NIPBL: variants seen among roughly 807,000 people sequenced by gnomAD.
NIPBL encodes nipped-B-like protein.
Under a neutral mutation model 321.8 loss-of-function variants are expected in NIPBL, and 19 were observed. The observed-to-expected ratio is 0.06, with a 90% confidence interval of 0.04 to 0.09. The LOEUF is 0.09. NIPBL is among the 10% of genes least tolerant of loss of function. The pLI is 1.00. For missense variants in NIPBL, 2,210 were observed against 3,327.0 expected (o/e 0.66, Z 8.26); for synonymous variants, 1,106 against 1,114.1 (o/e 0.99, Z 0.14).
chr5:37,001,739 GATTAATGTT>G (rs2149671237), intron 14 of NIPBL, among the ~76,000 whole-genome samples: 1 of 152,234 alleles, frequency 6.6e-6, no homozygotes, highest in East Asian at 1.9e-4. Context: ...AATACAGTAG[GATTAATGTT>G]ATATTCATGT....
intron 1 of NIPBL, among the ~76,000 whole-genome samples, chr5:36,937,643 T>C (rs186086747): frequency 1.3e-5 from 2 of 152,280 alleles, no homozygotes; most frequent in East Asian, 3.9e-4. Context: ...CATTATGTCA[T>C]CCAACGTCTT....
intron 22 of NIPBL, among the ~76,000 whole-genome samples, chr5:37,015,798 C>T (rs971341328): frequency 1.1e-4 from 16 of 152,116 alleles, no homozygotes; most frequent in African/African-American, 3.9e-4. Context: ...AAATGTGTTT[C>T]ACTTGCGAGA....
At chr5:36,928,351 G>C (rs1013992871) in intron 1 of NIPBL, among the ~76,000 whole-genome samples, 2 of 152,190 alleles carry the variant, frequency 1.3e-5, no homozygotes, top group African/African-American at 4.8e-5. Flanking sequence ...TCAAGTGCAA[G>C]TTAGAGCTAA....
At chr5:36,894,050 AC>A (rs1746543644) in intron 1 of NIPBL, among the ~76,000 whole-genome samples, 1 of 152,206 alleles carries the variant, frequency 6.6e-6, no homozygotes, top group Admixed American at 6.5e-5. Context: ...AAAAATATAA[AC>A]CATGCCTATG....
In NIPBL at chr5:36,985,634, T is replaced by C; in HGVS notation, c.2454T>C (p.His818=). 1 of 1,613,862 alleles carries C rather than the reference T, an allele frequency of 6.2e-7. No homozygotes were observed. The highest frequency in any genetic ancestry group is 1.1e-5 in the South Asian group (1 of 91,076). ...TTTCTGAGTCACTAAGACGTGACCATGATAATAAACAAAAATCAGATGACA... is the reference window on the plus strand; with the variant it reads ...TTTCTGAGTCACTAAGACGTGACCACGATAATAAACAAAAATCAGATGACA... ...RSVSESLRRD[H]DNKQKSDDRG... The change falls in exon 10 of 47, where the codon CAT becomes CAC. Residue 818 remains histidine, a synonymous_variant. Coordinates refer to ENST00000282516, the MANE Select transcript of NIPBL (RefSeq NM_133433.4).
chr5:36,992,834 C>A (rs879509112), intron 10 of NIPBL, among the ~76,000 whole-genome samples: 2 of 151,938 alleles, frequency 1.3e-5, no homozygotes, highest in African/African-American at 4.8e-5. Flanking sequence ...ACTCCGCCTT[C>A]CGGGCTCATG....
chr5:37,021,096 C>T (rs926312932), intron 27 of NIPBL, among the ~76,000 whole-genome samples: 3 of 152,098 alleles, frequency 2.0e-5, no homozygotes, highest in Admixed American at 2.0e-4. Flanking sequence ...GTCAAGAGTT[C>T]GAGACCAACC....
At chr5:36,895,443 T>G (rs1746660129) in intron 1 of NIPBL, among the ~76,000 whole-genome samples, 1 of 152,224 alleles carries the variant, frequency 6.6e-6, no homozygotes, top group African/African-American at 2.4e-5. Flanking sequence ...TTTGTAAGTT[T>G]CTGTGTGGAT....
At chr5:36,966,769 A>G (rs1326535620) in intron 6 of NIPBL, among the ~76,000 whole-genome samples, 1 of 152,084 alleles carries the variant, frequency 6.6e-6, no homozygotes, top group Non-Finnish European at 1.5e-5. Context: ...GATGTTGGTG[A>G]TTGTCTAGGT....
At chr5:36,930,234 C>G (rs1237042072) in intron 1 of NIPBL, among the ~76,000 whole-genome samples, 1 of 152,056 alleles carries the variant, frequency 6.6e-6, no homozygotes, top group Non-Finnish European at 1.5e-5. Context: ...CTTTTTGGCT[C>G]AGCAGTGTCT....
intron 16 of NIPBL, among the ~76,000 whole-genome samples, chr5:37,004,670 G>C (rs1371659167): frequency 6.6e-6 from 1 of 152,008 alleles, no homozygotes; most frequent in Non-Finnish European, 1.5e-5. Context: ...TCCTCCCAAA[G>C]CTCTGGGACC....
intron 10 of NIPBL, among the ~76,000 whole-genome samples, chr5:36,988,003 A>G (rs1745038064): frequency 6.6e-6 from 1 of 152,124 alleles, no homozygotes; most frequent in South Asian, 2.1e-4. Context: ...TGAAAGATGG[A>G]AAGTGGTACC....
chr5:36,898,511 CTTTT>C (rs550485997), intron 1 of NIPBL, among the ~76,000 whole-genome samples: 1 of 135,360 alleles, frequency 7.4e-6, no homozygotes, highest in Non-Finnish European at 1.6e-5. Flanking sequence ...TTTCTGATTC[CTTTT>C]TTTTTTTTTT....
intron 1 of NIPBL, among the ~76,000 whole-genome samples, chr5:36,911,954 C>T (rs1047847110): frequency 6.6e-6 from 1 of 152,078 alleles, no homozygotes; most frequent in Non-Finnish European, 1.5e-5. Context: ...TTTTTCCGTA[C>T]TTGAAGAGAG....
chr5:37,064,990 GAGTA>G lies in NIPBL; in HGVS notation c.*102_*105del. 1 of 1,440,576 alleles carries G rather than the reference GAGTA, an allele frequency of 6.9e-7. No homozygotes were observed. Among genetic ancestry groups the G allele is most frequent in the East Asian group, 2.3e-5 (1 of 43,960 alleles). 89.2% of individuals were successfully genotyped at this position (1,440,576 alleles called of 1,614,324 possible). ...GGCAAAAAAAAATCAGTTTTATGAA[GAGTA>G]AGTGGAACCTGGGATGCAGGAACAA... On this transcript the variant is annotated 3_prime_UTR_variant, in exon 47 of 47. Coordinates refer to ENST00000282516, the MANE Select transcript of NIPBL (RefSeq NM_133433.4).
chr5:36,988,085 C>G (rs1745048407), intron 10 of NIPBL, among the ~76,000 whole-genome samples: 1 of 152,162 alleles, frequency 6.6e-6, no homozygotes. Flanking sequence ...GCTTTCTAAA[C>G]TCTGTTCTAA....
chr5:36,939,871 A>G (rs1738871016), intron 1 of NIPBL, among the ~76,000 whole-genome samples: 1 of 152,182 alleles, frequency 6.6e-6, no homozygotes, highest in South Asian at 2.1e-4. Context: ...GTCCTTGTGA[A>G]CTAATCACCT....
chr5:37,031,154 T>A (rs912130647), intron 32 of NIPBL, among the ~76,000 whole-genome samples: 1 of 152,004 alleles, frequency 6.6e-6, no homozygotes, highest in Non-Finnish European at 1.5e-5. Flanking sequence ...TGGCTAATTT[T>A]TTTATATCTT....
chr5:37,047,773 T>C (rs1297141366), intron 38 of NIPBL, among the ~76,000 whole-genome samples: 1 of 152,224 alleles, frequency 6.6e-6, no homozygotes, highest in Admixed American at 6.5e-5. Context: ...GTTTAGTTTG[T>C]TGTTTGTTAC....
Sources: gnomAD v4.1 joint callset for allele counts (sites outside exome capture counted in the v4.1 genomes callset) on GRCh38, gnomAD v4.1.1 for gene constraint, MANE v1.5 for transcripts, NCBI Gene and HGNC (gene_info 2026-07-23, HGNC 2026-07-21) for gene names.